CLVS1: variants seen among roughly 807,000 people sequenced by gnomAD.
The protein encoded by CLVS1 is clavesin 1.
CLVS1 carries 10 observed loss-of-function variants against 33.1 expected under a neutral mutation model. The observed-to-expected ratio is 0.30, with a 90% CI of 0.19 to 0.51. CLVS1 has a LOEUF of 0.51. Among genes scored for constraint, CLVS1 ranks in the 20% least tolerant of loss-of-function variants. CLVS1 has a pLI of 0.97. For missense variants in CLVS1, 343 were observed against 433.4 expected (o/e 0.79, Z 1.85); for synonymous variants, 163 against 166.1 (o/e 0.98, Z 0.14).
At chr8:61,454,714 G>GAAAT (rs1290565975) in intron 4 of CLVS1, among the ~76,000 whole-genome samples, 1 of 152,146 alleles carries the variant, frequency 6.6e-6, no homozygotes, top group Non-Finnish European at 1.5e-5. Flanking sequence ...TTCTTCTTTG[G>GAAAT]AAATAACACT....
At chr8:61,418,431 G>C (rs920156809) in intron 3 of CLVS1, among the ~76,000 whole-genome samples, 4 of 152,184 alleles carry the variant, frequency 2.6e-5, no homozygotes, top group African/African-American at 9.6e-5. Context: ...ACCTAACAAA[G>C]CCAAATAAAA....
the CLVS1 span, among the ~76,000 whole-genome samples, chr8:61,032,891 A>G: frequency 7.1e-4 from 107 of 151,502 alleles, no homozygotes; most frequent in African/African-American, 2.4e-3. Flanking sequence ...AAATTTCTCA[A>G]AACTCTAGAG....
chr8:61,295,911 TA>T (rs1810188229), intron 1 of CLVS1, among the ~76,000 whole-genome samples: 1 of 152,136 alleles, frequency 6.6e-6, no homozygotes, highest in South Asian at 2.1e-4. Context: ...TAAATACCTA[TA>T]ATAAATAATA....
At chr8:61,442,427 T>C (rs765125865) in intron 3 of CLVS1, among the ~76,000 whole-genome samples, 3 of 152,210 alleles carry the variant, frequency 2.0e-5, no homozygotes, top group Non-Finnish European at 2.9e-5. Context: ...TGTGTAAACA[T>C]AAGTTTTTAT....
intron 2 of CLVS1, among the ~76,000 whole-genome samples, chr8:61,351,964 GAAGA>G (rs1563510765): frequency 6.6e-6 from 1 of 151,998 alleles, no homozygotes; most frequent in African/African-American, 2.4e-5. Flanking sequence ...GTAAAAGATA[GAAGA>G]AAGAATCTTG....
chr8:60,998,379 C>A, the CLVS1 span, among the ~76,000 whole-genome samples: 1 of 152,142 alleles, frequency 6.6e-6, no homozygotes, highest in Non-Finnish European at 1.5e-5. Flanking sequence ...TCCACTGCCA[C>A]AATGTCACAC....
At chr8:61,406,328 T>C (rs2129603792) in intron 3 of CLVS1, among the ~76,000 whole-genome samples, 1 of 152,320 alleles carries the variant, frequency 6.6e-6, no homozygotes, top group South Asian at 2.1e-4. Flanking sequence ...TCAGTGAATT[T>C]AGAGAAGAAA....
chr8:61,137,029 G>A (rs982890429), intron 2 of CLVS1, among the ~76,000 whole-genome samples: 4 of 152,184 alleles, frequency 2.6e-5, no homozygotes, highest in South Asian at 2.1e-4. Context: ...TGGGGTGTAC[G>A]AAAGCGGGTG....
chr8:61,048,103 T>C, the CLVS1 span, among the ~76,000 whole-genome samples: 2 of 152,178 alleles, frequency 1.3e-5, no homozygotes, highest in African/African-American at 2.4e-5. Flanking sequence ...GATGCACCTC[T>C]GTGGTGGTTC....
intron 2 of CLVS1, among the ~76,000 whole-genome samples, chr8:61,181,105 C>T (rs752596431): frequency 4.6e-5 from 7 of 152,204 alleles, no homozygotes; most frequent in Non-Finnish European, 8.8e-5. Context: ...AGCCCAAATA[C>T]TCCTTAAGTT....
At chr8:61,073,203 G>GA (rs200511493) in intron 1 of CLVS1, among the ~76,000 whole-genome samples, 1 of 151,118 alleles carries the variant, frequency 6.6e-6, no homozygotes, top group Non-Finnish European at 1.5e-5. Context: ...AATCTCTTCA[G>GA]AAAAAAAAAT....
the CLVS1 span, among the ~76,000 whole-genome samples, chr8:61,010,884 G>GA: frequency 6.6e-6 from 1 of 152,338 alleles, no homozygotes; most frequent in East Asian, 1.9e-4. Context: ...AACTATGTGA[G>GA]AAGCAGCGCA....
At chr8:61,469,191 A>G (rs1320698621) in intron 5 of CLVS1, among the ~76,000 whole-genome samples, 1 of 152,216 alleles carries the variant, frequency 6.6e-6, no homozygotes, top group East Asian at 1.9e-4. Context: ...CAGTGTCAGC[A>G]AAGCACCTCC....
At chr8:61,138,192 TC>T (rs1267582068) in intron 2 of CLVS1, among the ~76,000 whole-genome samples, 4 of 151,946 alleles carry the variant, frequency 2.6e-5, no homozygotes, top group Non-Finnish European at 4.4e-5. Context: ...AAGGTTTGAG[TC>T]TCAAAAGACA....
At chr8:61,395,525 A>C (rs1814491270) in intron 3 of CLVS1, among the ~76,000 whole-genome samples, 1 of 152,232 alleles carries the variant, frequency 6.6e-6, no homozygotes, top group African/African-American at 2.4e-5. Context: ...GCTTGATTGA[A>C]TCATTCTATA....
At chr8:61,132,563 T>C (rs79933146) in intron 2 of CLVS1, among the ~76,000 whole-genome samples, 4,739 of 152,282 alleles carry the variant, frequency 0.031, 123 homozygotes, top group East Asian at 0.086. Context: ...CTGTCTTTTG[T>C]CCTTCTTTCC....
chr8:61,233,608 A>G (rs1808492541), intron 2 of CLVS1, among the ~76,000 whole-genome samples: 1 of 151,276 alleles, frequency 6.6e-6, no homozygotes, highest in African/African-American at 2.4e-5. Flanking sequence ...TTAATTCCCT[A>G]CTCCTAGAAC....
At position 61,490,853 on chromosome 8, in the gene CLVS1, C is replaced by T. The variant is rs548826086; in HGVS notation, c.978-8602C>T. ...GGTGCCTGTAATCCCAGCTACTCTA[C>T]TTGAGGCTGAAGCAGGAGAATAGCT... On this transcript the variant is annotated intron_variant, in intron 5 of 5. Transcript: ENST00000325897. Among the ~76,000 whole-genome samples, 258 of 150,778 alleles carry T rather than the reference C, an allele frequency of 1.7e-3. 1 individual carries two copies. Among genetic ancestry groups the T allele is most frequent in the African/African-American group, 5.8e-3 (239 of 41,032 alleles).
chr8:61,252,144 G>T (rs913904503), intron 2 of CLVS1, among the ~76,000 whole-genome samples: 1 of 151,976 alleles, frequency 6.6e-6, no homozygotes, highest in African/African-American at 2.4e-5. Context: ...TTCAAGGAAT[G>T]TCTTTATTTC....
Sources: gnomAD v4.1 joint callset for allele counts (sites outside exome capture counted in the v4.1 genomes callset) on GRCh38, gnomAD v4.1.1 for gene constraint, MANE v1.5 for transcripts, NCBI Gene and HGNC (gene_info 2026-07-23, HGNC 2026-07-21) for gene names.